The following DAD1 variants were observed in gnomAD, a reference collection of about 807,000 sequenced individuals.
DAD1 encodes dolichyl-diphosphooligosaccharide--protein glycosyltransferase subunit DAD1.
A neutral mutation model predicts 9.0 loss-of-function variants in DAD1; 4 were observed. The ratio of observed to expected loss-of-function variants is 0.44; its 90% CI spans 0.22 to 1.01. The LOEUF (loss-of-function observed/expected upper bound fraction) is 1.01, where lower values mean the gene tolerates loss of function less well. Among genes scored for constraint, DAD1 ranks in the 50% least tolerant of loss-of-function variants. The pLI, the probability that DAD1 is intolerant of heterozygous loss-of-function variation, is 0.24. For missense variants in DAD1, 119 were observed against 137.3 expected (o/e 0.87, Z 0.67); for synonymous variants, 60 against 62.5 (o/e 0.96, Z 0.19).
chr14:22,582,581 G>A (rs894773730), intron 1 of DAD1, among the ~76,000 whole-genome samples: 2 of 152,132 alleles, frequency 1.3e-5, no homozygotes, highest in African/African-American at 4.8e-5. Context: ...AGAGCTCAGG[G>A]GAATGGTAGT....
At chr14:22,571,313 C>CAA (rs71115558) in intron 2 of DAD1, among the ~76,000 whole-genome samples, 9,818 of 115,160 alleles carry the variant, frequency 0.085, 476 homozygotes, top group Middle Eastern at 0.14. Flanking sequence ...GACTCTGTCT[C>CAA]AAAAAAAAAA....
At position 22,589,169 on chromosome 14, in the gene DAD1, A is replaced by C. The variant is rs770117066; in HGVS notation, c.-12T>G. Reference sequence around the variant, plus strand: ...ACCGACGCCGACATAACTGCACGCAAGGTACTCCGGTCCGCGCCCCAAACT... The same window carrying C: ...ACCGACGCCGACATAACTGCACGCACGGTACTCCGGTCCGCGCCCCAAACT... On this transcript the variant is annotated 5_prime_UTR_variant, in exon 1 of 3. Transcript: ENST00000250498. 6.2e-7 allele frequency: 1 copy of C among 1,614,092 alleles called. No homozygotes were observed. Among genetic ancestry groups the C allele is most frequent in the Non-Finnish European group, 8.5e-7 (1 of 1,179,958 alleles).
intron 1 of DAD1, among the ~76,000 whole-genome samples, chr14:22,575,751 G>A (rs1161689790): frequency 6.6e-6 from 1 of 152,194 alleles, no homozygotes; most frequent in Non-Finnish European, 1.5e-5. Flanking sequence ...GTTTCACCAT[G>A]CTGACCAGGC....
intron 2 of DAD1, among the ~76,000 whole-genome samples, chr14:22,573,738 A>G (rs1392979066): frequency 1.6e-5 from 2 of 124,458 alleles, no homozygotes; most frequent in Admixed American, 1.5e-4. Context: ...ACAGAAAAGA[A>G]AAAAAAAAAG....
intron 1 of DAD1, among the ~76,000 whole-genome samples, chr14:22,578,780 C>T (rs1422408682): frequency 6.6e-6 from 1 of 151,972 alleles, no homozygotes; most frequent in African/African-American, 2.4e-5. Flanking sequence ...TCAAGTTGTA[C>T]AATTAAATTT....
chr14:22,570,487 G>T (rs1166096121), intron 2 of DAD1, among the ~76,000 whole-genome samples: 2 of 152,060 alleles, frequency 1.3e-5, no homozygotes, highest in African/African-American at 2.4e-5. Context: ...TTTAACACAG[G>T]TATCAGTAGC....
intron 2 of DAD1, among the ~76,000 whole-genome samples, chr14:22,574,720 T>A (rs983753603): frequency 1.3e-5 from 2 of 152,132 alleles, no homozygotes; most frequent in Non-Finnish European, 2.9e-5. Flanking sequence ...CAGAAAAAAA[T>A]TAACTAACAA....
rs201901799 is a variant in DAD1 at position 22,575,647 on chromosome 14, A to C, written c.212-414T>G. Among the ~76,000 whole-genome samples, 4 of 152,308 alleles carry C rather than the reference A, an allele frequency of 2.6e-5. No individual in the cohort carries two copies. In the East Asian group the frequency reaches 7.7e-4, roughly 29 times the overall value. On this transcript the variant is annotated intron_variant, in intron 1 of 2. Transcript: ENST00000250498. ...ACTGCAATCTCCACCTGCTGGGTTC[A>C]AGCAATTCTCCTGCCTCAGCCTCCC...
At chr14:22,577,667 C>T (rs2037087269) in intron 1 of DAD1, among the ~76,000 whole-genome samples, 1 of 152,176 alleles carries the variant, frequency 6.6e-6, no homozygotes, top group Non-Finnish European at 1.5e-5. Context: ...TTTTAAGTGA[C>T]ATAAGCCATG....
rs181654394 is a variant in DAD1 at position 22,571,228 on chromosome 14, T to C, written c.*44+3831A>G. ...ACTCGGGGAGGCTGCGGCAGGAGAA[T>C]TGCTTGAACCCGGGAGGCAGGGTTG... On this transcript the variant is annotated intron_variant, in intron 2 of 2. Transcript: ENST00000250498. 5.7e-4 allele frequency among the ~76,000 whole-genome samples: 85 copies of C among 148,984 alleles called. 1 individual carries two copies. In the East Asian group the frequency reaches 0.013, roughly 23 times the overall value.
rs532938212 is a variant in DAD1 at position 22,580,143 on chromosome 14, C to T, written c.212-4910G>A. Among the ~76,000 whole-genome samples, 32 of 152,130 alleles carry T rather than the reference C, an allele frequency of 2.1e-4. No homozygotes were observed. The East Asian group carries it at 5.2e-3, about 25-fold the overall frequency. On this transcript the variant is annotated intron_variant, in intron 1 of 2. Transcript: ENST00000250498. ...CATTCCTAATTTCACTTGGCCAGGGCATGGTGGCTCACAACTGTAACCCCA... is the reference window on the plus strand; with the variant it reads ...CATTCCTAATTTCACTTGGCCAGGGTATGGTGGCTCACAACTGTAACCCCA...
intron 1 of DAD1, among the ~76,000 whole-genome samples, chr14:22,588,554 G>A: frequency 6.6e-6 from 1 of 152,184 alleles, no homozygotes; most frequent in East Asian, 1.9e-4. Flanking sequence ...ACGTTTCACC[G>A]GAGATTGGTA....
intron 1 of DAD1, among the ~76,000 whole-genome samples, chr14:22,578,946 G>C (rs1032716532): frequency 1.2e-4 from 19 of 152,174 alleles, no homozygotes; most frequent in Non-Finnish European, 2.4e-4. Flanking sequence ...GGATGCACTT[G>C]AGGCAACAAC....
intron 1 of DAD1, among the ~76,000 whole-genome samples, chr14:22,586,947 T>C (rs1174745561): frequency 6.6e-6 from 1 of 152,220 alleles, no homozygotes; most frequent in Non-Finnish European, 1.5e-5. Flanking sequence ...ATCTGTTATC[T>C]AACAGATCTG....
At chr14:22,576,943 G>A (rs1047544130) in intron 1 of DAD1, among the ~76,000 whole-genome samples, 3 of 152,122 alleles carry the variant, frequency 2.0e-5, no homozygotes, top group Non-Finnish European at 4.4e-5. Flanking sequence ...CATCTATTAG[G>A]ATGTCTAGTA....
At chr14:22,587,879 G>A (rs1443144627) in intron 1 of DAD1, among the ~76,000 whole-genome samples, 1 of 152,096 alleles carries the variant, frequency 6.6e-6, no homozygotes, top group Admixed American at 6.6e-5. Flanking sequence ...GGGATTACAG[G>A]TGTGTGCCAC....
intron 2 of DAD1, among the ~76,000 whole-genome samples, chr14:22,573,224 G>A (rs2037053363): frequency 6.6e-6 from 1 of 151,410 alleles, no homozygotes; most frequent in African/African-American, 2.4e-5. Flanking sequence ...TGTTGCCCAT[G>A]CTGGTCTCAA....
At chr14:22,582,206 A>G (rs1207348548) in intron 1 of DAD1, among the ~76,000 whole-genome samples, 2 of 144,436 alleles carry the variant, frequency 1.4e-5, no homozygotes, top group Non-Finnish European at 3.0e-5. Flanking sequence ...ACTGCGTCTC[A>G]AAAAAATAAA....
At chr14:22,580,404 G>T (rs2037108192) in intron 1 of DAD1, among the ~76,000 whole-genome samples, 1 of 151,164 alleles carries the variant, frequency 6.6e-6, no homozygotes, top group African/African-American at 2.4e-5. Flanking sequence ...TCTGGCCTGG[G>T]AGACAAATCA....
Sources: gnomAD v4.1 joint callset for allele counts (sites outside exome capture counted in the v4.1 genomes callset) on GRCh38, gnomAD v4.1.1 for gene constraint, MANE v1.5 for transcripts, NCBI Gene and HGNC (gene_info 2026-07-23, HGNC 2026-07-21) for gene names.